The following PHACTR3 variants were observed in gnomAD, a reference collection of about 807,000 sequenced individuals.
The protein encoded by PHACTR3 is phosphatase and actin regulator 3.
Under a neutral mutation model 66.8 loss-of-function variants are expected in PHACTR3, and 16 were observed. The ratio of observed to expected loss-of-function variants is 0.24; its 90% CI spans 0.16 to 0.36. PHACTR3 has a LOEUF of 0.36. Among genes scored for constraint, PHACTR3 ranks in the 10% least tolerant of loss-of-function variants. PHACTR3 has a pLI of 1.00. For missense variants in PHACTR3, 647 were observed against 719.9 expected (o/e 0.90, Z 1.16); for synonymous variants, 323 against 292.1 (o/e 1.11, Z -1.08).
At chr20:59,842,000 C>T (rs2059072378) in intron 11 of PHACTR3, among the ~76,000 whole-genome samples, 1 of 152,130 alleles carries the variant, frequency 6.6e-6, no homozygotes, top group Non-Finnish European at 1.5e-5. Flanking sequence ...AAGAGGCATT[C>T]AAGAAAGCCT....
chr20:59,597,614 G>A (rs751866747), intron 1 of PHACTR3, among the ~76,000 whole-genome samples: 2 of 152,216 alleles, frequency 1.3e-5, no homozygotes, highest in African/African-American at 4.8e-5. Context: ...GGCAATCATT[G>A]TAAAGTTTTT....
At chr20:59,773,550 G>A in intron 6 of PHACTR3, 97 bp downstream of exon 6, 2 of 1,285,354 alleles carry the variant, frequency 1.6e-6, no homozygotes, top group South Asian at 1.6e-5. Context: ...GGCCTTGGCT[G>A]GGTGTCCCGT....
chr20:59,768,728 T>C (rs1011076038), intron 5 of PHACTR3, among the ~76,000 whole-genome samples: 5 of 152,224 alleles, frequency 3.3e-5, no homozygotes. Flanking sequence ...CTGCCCCTTA[T>C]GGGGTGAATG....
At chr20:59,806,825 T>C (rs552134230) in intron 8 of PHACTR3, among the ~76,000 whole-genome samples, 1 of 152,368 alleles carries the variant, frequency 6.6e-6, no homozygotes, top group South Asian at 2.1e-4. Context: ...CTGTAGCTGA[T>C]GGCTCCGAGG....
rs556096071 is a variant in PHACTR3 at position 59,787,230 on chromosome 20, A to G, written c.1174+12740A>G. 2.8e-4 allele frequency among the ~76,000 whole-genome samples: 42 copies of G among 152,348 alleles called. 1 individual carries two copies. Among genetic ancestry groups the G allele is most frequent in the African/African-American group, 9.1e-4 (38 of 41,594 alleles). On this transcript the variant is annotated intron_variant, in intron 7 of 12. Coordinates refer to ENST00000371015, the MANE Select transcript of PHACTR3 (RefSeq NM_080672.5). ...TAACTTCTTGGTGAGTATGTAAATT[A>G]CATCCATGGGCACAGGCGTTCTCGC... is the stretch of plus-strand genomic sequence containing the variant.
chr20:59,663,858 C>A (rs2035899947), intron 1 of PHACTR3, among the ~76,000 whole-genome samples: 1 of 152,174 alleles, frequency 6.6e-6, no homozygotes, highest in Non-Finnish European at 1.5e-5. Context: ...ACGTGCTTGG[C>A]AAAGAACCAG....
chr20:59,648,367 G>A (rs1319470513), intron 1 of PHACTR3, among the ~76,000 whole-genome samples: 1 of 152,242 alleles, frequency 6.6e-6, no homozygotes, highest in Non-Finnish European at 1.5e-5. Context: ...TGGCCTGGAG[G>A]TGGTCAGCTT....
intron 8 of PHACTR3, among the ~76,000 whole-genome samples, chr20:59,834,192 G>T (rs1031126263): frequency 6.6e-6 from 1 of 152,154 alleles, no homozygotes; most frequent in Admixed American, 6.5e-5. Flanking sequence ...CTCTTGCTGG[G>T]CTTCAGGGAT....
intron 7 of PHACTR3, among the ~76,000 whole-genome samples, chr20:59,785,901 T>TCTGCATCCCCTGCCCTGCATCCCCTGCC (rs143645946): frequency 4.1e-3 from 14 of 3,454 alleles, no homozygotes; most frequent in African/African-American, 5.1e-3. Context: ...CCAACGGCCC[T>TCTGCATCCCCTGCCCTGCATCCCCTGCC]CTGCATCCCC....
upstream of PHACTR3, chr20:59,603,445 T>TC (rs1423010483): frequency 6.6e-6 from 1 of 152,348 alleles, no homozygotes; most frequent in African/African-American, 2.4e-5. Context: ...TCCACTTTAT[T>TC]CCCCCTCCCC....
chr20:59,826,823 G>A (rs1044436235), intron 8 of PHACTR3, among the ~76,000 whole-genome samples: 1 of 152,176 alleles, frequency 6.6e-6, no homozygotes, highest in Non-Finnish European at 1.5e-5. Flanking sequence ...CCTTTCAAAA[G>A]TAGCATTGGC....
chr20:59,584,011 C>T (rs1219038078), intron 1 of PHACTR3, among the ~76,000 whole-genome samples: 1 of 152,146 alleles, frequency 6.6e-6, no homozygotes, highest in Non-Finnish European at 1.5e-5. Context: ...CCGGTGGGCT[C>T]GCTATGGAAG....
intron 1 of PHACTR3, among the ~76,000 whole-genome samples, chr20:59,693,579 C>G (rs569067486): frequency 6.6e-6 from 1 of 152,180 alleles, no homozygotes; most frequent in Non-Finnish European, 1.5e-5. Flanking sequence ...AGCTTCACTA[C>G]TTCTGAGACT....
rs1290784837 is a variant in PHACTR3 at position 59,738,168 on chromosome 20, A to G, written c.119-4939A>G. ...CCATACCCCCCAGCAAGGCCCTGGC[A>G]AAGGGGATGCAGGGAGTCAATGCTT... On this transcript the variant is annotated intron_variant, in intron 1 of 12. Coordinates refer to ENST00000371015, the MANE Select transcript of PHACTR3 (RefSeq NM_080672.5). This position sits in a 1 kb window ranked among gnomAD's most constrained non-coding sequence, Gnocchi z 4.4. Among the ~76,000 whole-genome samples, 1 of 152,094 alleles carries G rather than the reference A, an allele frequency of 6.6e-6. No homozygotes were observed. The highest frequency in any genetic ancestry group is 1.9e-4 in the East Asian group (1 of 5,162).
At chr20:59,769,876 C>T (rs895668672) in intron 5 of PHACTR3, among the ~76,000 whole-genome samples, 1 of 152,224 alleles carries the variant, frequency 6.6e-6, no homozygotes, top group Non-Finnish European at 1.5e-5. Flanking sequence ...AATTACAGTA[C>T]AAAGTTTGAG....
At chr20:59,740,834 T>C (rs2039131389) in intron 1 of PHACTR3, among the ~76,000 whole-genome samples, 1 of 152,210 alleles carries the variant, frequency 6.6e-6, no homozygotes, top group African/African-American at 2.4e-5. Flanking sequence ...GTCACTGCCA[T>C]GTGGGGCCTT....
At chr20:59,729,056 T>A (rs1441916548) in intron 1 of PHACTR3, among the ~76,000 whole-genome samples, 1 of 152,068 alleles carries the variant, frequency 6.6e-6, no homozygotes, top group East Asian at 1.9e-4. Context: ...TGCAGAGAAC[T>A]GTGAGGTTGG....
chr20:59,815,009 G>A (rs759414166), intron 8 of PHACTR3, among the ~76,000 whole-genome samples: 7 of 152,078 alleles, frequency 4.6e-5, no homozygotes, highest in African/African-American at 1.4e-4. Context: ...TGAGTTCCCC[G>A]ACTTCAGAGG....
rs2040415183 is a variant in PHACTR3 at position 59,773,280 on chromosome 20, C to T, written c.753C>T (p.Gly251=). The part of the protein sequence containing the change: ...ASSKTTKNVT[G]QATLFQASSM... ...TTGCTGCTTCCTCCCACACCCCAGG[C>T]CAAGCCACACTCTTCCAAGCCTCCA... Residue 251 remains glycine, a splice_region_variant and synonymous_variant, in exon 6 of 13, where the codon GGC becomes GGT. Transcript: ENST00000371015. 1.9e-6 allele frequency: 3 copies of T among 1,613,222 alleles called. No individual in the cohort carries two copies. The highest frequency in any genetic ancestry group is 2.5e-6 in the Non-Finnish European group (3 of 1,179,492).
Sources: gnomAD v4.1 joint callset for allele counts (sites outside exome capture counted in the v4.1 genomes callset) on GRCh38, gnomAD v4.1.1 for gene constraint, Gnocchi (gnomAD v3.1) non-coding constraint, MANE v1.5 for transcripts, NCBI Gene and HGNC (gene_info 2026-07-23, HGNC 2026-07-21) for gene names.